The following IFT74 variants were observed in gnomAD, a reference collection of about 807,000 sequenced individuals.
IFT74 encodes intraflagellar transport protein 74 homolog.
IFT74 carries 92 observed loss-of-function variants against 96.7 expected under a neutral mutation model. The observed-to-expected ratio is 0.95, with a 90% CI of 0.80 to 1.13. The LOEUF (loss-of-function observed/expected upper bound fraction) is 1.13, where lower values mean the gene tolerates loss of function less well. Ranked by LOEUF, IFT74 falls within the 50% of genes most tolerant of loss-of-function variation. The pLI is 0.00. For synonymous variants in IFT74, 223 were observed against 213.2 expected (o/e 1.05, Z -0.40); for missense variants, 811 against 698.2 (o/e 1.16, Z -1.82).
intron 8 of IFT74, among the ~76,000 whole-genome samples, chr9:26,998,757 G>A (rs1386830496): frequency 5.3e-5 from 8 of 152,038 alleles, no homozygotes; most frequent in African/African-American, 1.9e-4. Context: ...GCTGAGGCAG[G>A]CGGGTTACCT....
At chr9:27,011,534 A>G (rs1166346394) in intron 9 of IFT74, among the ~76,000 whole-genome samples, 2 of 152,188 alleles carry the variant, frequency 1.3e-5, no homozygotes. Flanking sequence ...TTAAATAATA[A>G]TCTTAAACAA....
upstream of IFT74, among the ~76,000 whole-genome samples, chr9:26,952,966 T>C (rs1365685551): frequency 6.6e-6 from 1 of 152,188 alleles, no homozygotes; most frequent in African/African-American, 2.4e-5. Context: ...GTTAAAGGCT[T>C]ATATAACTAA....
chr9:26,980,950 TC>T (rs1384674924), intron 4 of IFT74, among the ~76,000 whole-genome samples: 1 of 152,172 alleles, frequency 6.6e-6, no homozygotes, highest in Admixed American at 6.5e-5. Context: ...TTCTTACTGT[TC>T]CGGAGACGCA....
At chr9:27,002,245 C>T (rs1003328028) in intron 8 of IFT74, among the ~76,000 whole-genome samples, 18 of 152,204 alleles carry the variant, frequency 1.2e-4, no homozygotes, top group Non-Finnish European at 2.2e-4. Context: ...GATTCTCATG[C>T]CTCAGCCTCC....
At chr9:27,061,663 A>G (rs1820425709) in intron 19 of IFT74, among the ~76,000 whole-genome samples, 1 of 141,674 alleles carries the variant, frequency 7.1e-6, no homozygotes, top group Non-Finnish European at 1.5e-5. Flanking sequence ...CCATATAGTT[A>G]TATATATCCA....
intron 12 of IFT74, among the ~76,000 whole-genome samples, chr9:27,026,098 A>T (rs1355365850): frequency 6.6e-6 from 1 of 152,206 alleles, no homozygotes; most frequent in East Asian, 1.9e-4. Flanking sequence ...TGACTCACCT[A>T]ATGCATAAGG....
chr9:27,043,150 G>C (rs891653590), intron 13 of IFT74, among the ~76,000 whole-genome samples: 14 of 152,128 alleles, frequency 9.2e-5, no homozygotes, highest in Admixed American at 6.6e-4. Flanking sequence ...TTTCCTATTG[G>C]TGCTGGGTGT....
intron 19 of IFT74, among the ~76,000 whole-genome samples, chr9:27,062,183 C>T (rs773092953): frequency 3.0e-4 from 45 of 152,144 alleles, no homozygotes; most frequent in Non-Finnish European, 2.6e-4. Flanking sequence ...ACAGTATGCT[C>T]TAAGTCTCAC....
intron 8 of IFT74, chr9:26,996,303 T>C: frequency 6.5e-7 from 1 of 1,539,804 alleles, no homozygotes; most frequent in Non-Finnish European, 8.9e-7. Context: ...ATAGAACCAG[T>C]ATATTACCTG....
At chr9:27,014,690 A>G (rs1587356754) in intron 10 of IFT74, among the ~76,000 whole-genome samples, 1 of 152,104 alleles carries the variant, frequency 6.6e-6, no homozygotes, top group South Asian at 2.1e-4. Flanking sequence ...GCTCACTGCA[A>G]CCTCCGCCTT....
intron 12 of IFT74, among the ~76,000 whole-genome samples, chr9:27,024,461 A>G (rs1281303408): frequency 6.6e-6 from 1 of 152,206 alleles, no homozygotes; most frequent in Non-Finnish European, 1.5e-5. Flanking sequence ...CTCTAGGGAA[A>G]GGGAGAGAGC....
At chr9:26,983,844 C>A (rs1256440510) in intron 4 of IFT74, 1 of 142,090 alleles carries the variant, frequency 7.0e-6, no homozygotes, top group African/African-American at 2.7e-5. Context: ...AGTGTAGTGG[C>A]ACGATCTTGG....
intron 8 of IFT74, among the ~76,000 whole-genome samples, chr9:27,000,426 A>G (rs1285938309): frequency 3.3e-5 from 5 of 152,138 alleles, no homozygotes; most frequent in South Asian, 2.1e-4. Flanking sequence ...GGCATTATCT[A>G]TCTATTATTC....
chr9:27,046,705 G>A (rs1048960272), intron 14 of IFT74, among the ~76,000 whole-genome samples: 1 of 152,038 alleles, frequency 6.6e-6, no homozygotes, highest in African/African-American at 2.4e-5. Flanking sequence ...CTTTATAAAA[G>A]CAAATTTCTT....
intron 2 of IFT74, among the ~76,000 whole-genome samples, chr9:26,972,931 A>G (rs1826940695): frequency 6.6e-6 from 1 of 152,164 alleles, no homozygotes; most frequent in Admixed American, 6.5e-5. Flanking sequence ...AGATATGAGA[A>G]TATCATCCAC....
At chr9:27,047,164 C>G in intron 14 of IFT74, 110 bp from the exon 15 acceptor site, 1 of 604,272 alleles carries the variant, frequency 1.7e-6, no homozygotes, top group South Asian at 2.1e-5. Flanking sequence ...GAGTGAGACT[C>G]TGTCTCAAAA....
intron 4 of IFT74, among the ~76,000 whole-genome samples, chr9:26,983,542 C>T (rs973517557): frequency 3.9e-5 from 6 of 152,138 alleles, no homozygotes; most frequent in Non-Finnish European, 5.9e-5. Context: ...TAGTGCTCAA[C>T]ACGAGGTGCT....
chr9:26,978,625 G>A (rs1827227762), intron 3 of IFT74, among the ~76,000 whole-genome samples: 1 of 152,114 alleles, frequency 6.6e-6, no homozygotes, highest in Non-Finnish European at 1.5e-5. Flanking sequence ...TAGTCTTGGA[G>A]AAAAGTTCAA....
intron 6 of IFT74, among the ~76,000 whole-genome samples, chr9:26,985,131 G>A (rs2079398128): frequency 6.6e-6 from 1 of 152,136 alleles, no homozygotes; most frequent in South Asian, 2.1e-4. Flanking sequence ...TCATAAAAAA[G>A]AAAAAGATCA....
Sources: allele counts gnomAD v4.1 joint callset (sites outside exome capture counted in the v4.1 genomes callset), GRCh38; gene constraint gnomAD v4.1.1; transcripts MANE v1.5; gene names NCBI Gene and HGNC (gene_info 2026-07-23, HGNC 2026-07-21).